Variants in COL21A1 observed in about 807,000 individuals in gnomAD.
The protein encoded by COL21A1 is collagen type XXI alpha 1 chain, also known as collagen alpha-1(XXI) chain.
COL21A1 carries 149 observed loss-of-function variants against 137.9 expected under a neutral mutation model. The ratio of observed to expected loss-of-function variants is 1.08; its 90% CI spans 0.95 to 1.24. The LOEUF (loss-of-function observed/expected upper bound fraction) is 1.24. COL21A1 is among the 50% of genes most tolerant of loss of function. The pLI is 0.00. For synonymous variants in COL21A1, 456 were observed against 391.5 expected (o/e 1.16, Z -1.95); for missense variants, 1,167 against 1,158.4 (o/e 1.01, Z -0.11).
At chr6:56,107,002 G>A (rs1474570860) in intron 16 of COL21A1, among the ~76,000 whole-genome samples, 2 of 151,994 alleles carry the variant, frequency 1.3e-5, no homozygotes, top group Non-Finnish European at 2.9e-5. Flanking sequence ...TTAGCCAGGA[G>A]GGTCTCGATC....
chr6:56,238,133 C>G (rs1782032307), intron 1 of COL21A1, among the ~76,000 whole-genome samples: 2 of 152,038 alleles, frequency 1.3e-5, no homozygotes. Context: ...GCTCAAAGTA[C>G]TCTACTATAA....
At chr6:56,293,853 G>A (rs1764108558) in intron 1 of COL21A1, among the ~76,000 whole-genome samples, 1 of 152,096 alleles carries the variant, frequency 6.6e-6, no homozygotes, top group African/African-American at 2.4e-5. Context: ...TATGCAAAAT[G>A]CATTCAGCCA....
intron 17 of COL21A1, among the ~76,000 whole-genome samples, chr6:56,080,461 AATAC>A (rs1222230306): frequency 6.6e-6 from 1 of 151,808 alleles, no homozygotes; most frequent in African/African-American, 2.4e-5. Flanking sequence ...TAAGAATAGA[AATAC>A]ATACTTTAGA....
intron 1 of COL21A1, among the ~76,000 whole-genome samples, chr6:56,347,399 T>C (rs1765619042): frequency 6.6e-6 from 1 of 152,076 alleles, no homozygotes; most frequent in Non-Finnish European, 1.5e-5. Flanking sequence ...TGGTCTTCTA[T>C]TATCCTTCCT....
At chr6:56,349,657 G>A (rs1442616466) in intron 1 of COL21A1, among the ~76,000 whole-genome samples, 1 of 152,164 alleles carries the variant, frequency 6.6e-6, no homozygotes, top group Non-Finnish European at 1.5e-5. Flanking sequence ...GTCAGAAGTG[G>A]TATAAAATGA....
intron 1 of COL21A1, among the ~76,000 whole-genome samples, chr6:56,299,883 G>A (rs181109611): frequency 2.2e-4 from 33 of 152,086 alleles, no homozygotes; most frequent in Admixed American, 8.5e-4. Flanking sequence ...TTTCCCCTGC[G>A]GTTAAGAGCT....
intron 1 of COL21A1, among the ~76,000 whole-genome samples, chr6:56,245,549 T>C (rs1358220996): frequency 6.6e-6 from 1 of 152,250 alleles, no homozygotes; most frequent in East Asian, 1.9e-4. Context: ...GAGTTTGTAT[T>C]TTGAGCTAAC....
intron 1 of COL21A1, among the ~76,000 whole-genome samples, chr6:56,288,255 A>AAG (rs1763961151): frequency 1.2e-5 from 1 of 83,004 alleles, no homozygotes; most frequent in African/African-American, 1.1e-4. Flanking sequence ...AAAATAAAAG[A>AAG]AAAAAAAAAG....
chr6:56,317,884 A>G (rs1391532302), intron 1 of COL21A1, among the ~76,000 whole-genome samples: 3 of 152,176 alleles, frequency 2.0e-5, no homozygotes, highest in Non-Finnish European at 1.5e-5. Flanking sequence ...TCTTAAAAAA[A>G]TAAGAATAGT....
In COL21A1 at chr6:56,145,818, C is replaced by A. The variant is rs545594143; in HGVS notation, c.1435-3835G>T. Among the ~76,000 whole-genome samples the A allele has an allele frequency of 3.3e-5, 5 of 151,454 alleles. No individual in the cohort carries two copies. In the South Asian group the frequency reaches 6.2e-4, roughly 19 times the overall value. On this transcript the variant is annotated intron_variant, in intron 10 of 29. Transcript: ENST00000244728. ...GCAAGATTTCTGACAGTATTTAAGTCTTTTCCATGTTCACAGAAAACTTCT... is the reference window on the plus strand; with the variant it reads ...GCAAGATTTCTGACAGTATTTAAGTATTTTCCATGTTCACAGAAAACTTCT...
intron 1 of COL21A1, among the ~76,000 whole-genome samples, chr6:56,240,880 G>C (rs1782267857): frequency 1.3e-5 from 2 of 152,092 alleles, no homozygotes; most frequent in South Asian, 4.1e-4. Flanking sequence ...ACATAATTTA[G>C]ATTATAGGTA....
intron 22 of COL21A1, 83 bp from the exon 23 acceptor site, chr6:56,067,413 GA>G: frequency 7.9e-7 from 1 of 1,270,102 alleles, no homozygotes; most frequent in Non-Finnish European, 1.1e-6. Context: ...CTCTGCTGAA[GA>G]AAAACAACAT....
chr6:56,197,760 A>C (rs962749725), intron 1 of COL21A1, among the ~76,000 whole-genome samples: 2 of 152,150 alleles, frequency 1.3e-5, no homozygotes, highest in Non-Finnish European at 2.9e-5. Flanking sequence ...GTGGAACTTT[A>C]AATTGGTACA....
chr6:56,161,842 T>TA (rs559334709), intron 9 of COL21A1, among the ~76,000 whole-genome samples: 2 of 152,012 alleles, frequency 1.3e-5, no homozygotes, highest in African/African-American at 4.8e-5. Context: ...TAAAGAACTT[T>TA]AAAAAAAATA....
rs1782949824 is a variant in COL21A1 at position 56,255,588 on chromosome 6, A to C, written c.-38-72932T>G. On this transcript the variant is annotated intron_variant, in intron 1 of 28. Transcript: ENST00000370819. The stretch of plus-strand genomic sequence containing the variant: ...CCAACATTTTTCTGTGGCTACAAGC[A>C]TACTTAGGAAGCCTTATGTAGCAGC... 2.0e-5 allele frequency among the ~76,000 whole-genome samples: 3 copies of C among 152,202 alleles called. 1 individual carries two copies. The South Asian group carries it at 6.2e-4, about 32-fold the overall frequency.
chr6:56,143,895 T>TA (rs201689905), intron 10 of COL21A1, among the ~76,000 whole-genome samples: 11 of 151,898 alleles, frequency 7.2e-5, no homozygotes, highest in Admixed American at 2.6e-4. Context: ...CATGAACGTG[T>TA]AAAAAAAAAT....
rs1027851782 is a variant in COL21A1, at chr6:56,060,917, C to T, written c.2326G>A (p.Gly776Arg). ...KGQPGDPGPQGPPGLDGKPGR... is the reference protein window; with the variant it reads ...KGQPGDPGPQRPPGLDGKPGR... ...GGCTTCCCATCCAAACCTGGGGGTCCCTGAGGACCTGGATCCCCAGGTTGC... is the reference window on the plus strand; with the variant it reads ...GGCTTCCCATCCAAACCTGGGGGTCTCTGAGGACCTGGATCCCCAGGTTGC... The change falls in exon 26 of 30, where the codon GGA becomes AGA. Residue 776 changes from glycine to arginine, a missense_variant. Coordinates refer to ENST00000244728, the MANE Select transcript of COL21A1 (RefSeq NM_030820.4). 1.3e-6 allele frequency: 2 copies of T among 1,577,304 alleles called. No homozygotes were observed. Among genetic ancestry groups the T allele is most frequent in the Non-Finnish European group, 1.7e-6 (2 of 1,167,698 alleles).
At chr6:56,133,208 G>A (rs1272177492) in intron 12 of COL21A1, among the ~76,000 whole-genome samples, 1 of 152,194 alleles carries the variant, frequency 6.6e-6, no homozygotes, top group Non-Finnish European at 1.5e-5. Flanking sequence ...CCAAAATGCT[G>A]ACAATGACAT....
intron 1 of COL21A1, among the ~76,000 whole-genome samples, chr6:56,188,778 G>A (rs1180188711): frequency 6.6e-6 from 1 of 152,260 alleles, no homozygotes; most frequent in South Asian, 2.1e-4. Context: ...CCCTGGAAAG[G>A]GGAAAGAACA....
Sources: gnomAD v4.1 joint callset for allele counts (sites outside exome capture counted in the v4.1 genomes callset) on GRCh38, gnomAD v4.1.1 for gene constraint, MANE v1.5 for transcripts, NCBI Gene and HGNC (gene_info 2026-07-23, HGNC 2026-07-21) for gene names.